Variants in SREK1 observed in about 807,000 individuals in gnomAD.
SREK1 encodes the protein splicing regulatory glutamic acid and lysine rich protein 1.
SREK1 carries 13 observed loss-of-function variants against 66.5 expected under a neutral mutation model. That is an observed-to-expected ratio of 0.20 (90% CI 0.13 to 0.31). The LOEUF (loss-of-function observed/expected upper bound fraction) is 0.31, where lower values mean the gene tolerates loss of function less well. SREK1 is among the 10% of genes least tolerant of loss of function. The pLI is 1.00. For missense variants in SREK1, 607 were observed against 769.6 expected (o/e 0.79, Z 2.50); for synonymous variants, 265 against 263.5 (o/e 1.01, Z -0.05).
At chr5:66,175,182 G>C (rs922325443) in intron 10 of SREK1, 141 bp downstream of exon 10, 13 of 709,262 alleles carry the variant, frequency 1.8e-5, no homozygotes, top group Non-Finnish European at 2.6e-5. Flanking sequence ...AAAGATAAAA[G>C]TTATGTATCA....
At chr5:66,173,185 C>G (rs761958254) in intron 9 of SREK1, among the ~76,000 whole-genome samples, 25 of 151,996 alleles carry the variant, frequency 1.6e-4, no homozygotes, top group Admixed American at 6.6e-5. Flanking sequence ...TTCAAATGTT[C>G]TGATTTGTTT....
Position 66,174,897 on chromosome 5 carries a change from C to T in SREK1, c.1485-49C>T, listed in dbSNP as rs750129218. ...TTTTGCTTTTGTATATTTGAATTGC[C>T]GTTTATTTCAATTGCTGTTTTTAAA... On this transcript the variant is annotated intron_variant, in intron 9 of 11. Coordinates refer to ENST00000334121, the MANE Select transcript of SREK1 (RefSeq NM_001077199.3). 3.5e-5 allele frequency: 54 copies of T among 1,550,148 alleles called. No individual in the cohort carries two copies. In the Middle Eastern group the frequency reaches 6.8e-4, roughly 19 times the overall value.
chr5:66,176,944 T>A (rs991444560), intron 10 of SREK1, among the ~76,000 whole-genome samples: 5 of 152,106 alleles, frequency 3.3e-5, no homozygotes, highest in Non-Finnish European at 5.9e-5. Flanking sequence ...TTTGTGAGAA[T>A]AACGGAAGGC....
At chr5:66,147,480 T>C (rs1050749491) in intron 1 of SREK1, among the ~76,000 whole-genome samples, 6 of 152,184 alleles carry the variant, frequency 3.9e-5, no homozygotes, top group African/African-American at 1.2e-4. Context: ...GTCAGGATTA[T>C]CTGCACCCTG....
At chr5:66,173,749 C>T (rs754726657) in intron 9 of SREK1, among the ~76,000 whole-genome samples, 11 of 152,168 alleles carry the variant, frequency 7.2e-5, no homozygotes, top group East Asian at 5.8e-4. Flanking sequence ...GTCTGGAATA[C>T]GCTGACATTC....
chr5:66,171,602 A>C (rs985876494), intron 9 of SREK1, among the ~76,000 whole-genome samples: 1 of 152,196 alleles, frequency 6.6e-6, no homozygotes, highest in Non-Finnish European at 1.5e-5. Flanking sequence ...CTGTAAATGG[A>C]AGTTCCTAAC....
rs1458734650 is a variant in SREK1 at position 66,144,847 on chromosome 5, G to C, written c.161+310G>C. On this transcript the variant is annotated intron_variant, in intron 1 of 11. Transcript: ENST00000334121. The stretch of plus-strand genomic sequence containing the variant: ...TGCCCCCACCCTCTTATTTCCCCCC[G>C]AACTTAAGATGGCCGCAGGTGGGCC... The C allele has an allele frequency of 1.3e-5, 14 of 1,069,902 alleles. No individual in the cohort carries two copies. The South Asian group carries it at 4.7e-4, about 36-fold the overall frequency. The allele number at this position is 1,069,902 out of a possible 1,614,324, so 66.3% of individuals were successfully genotyped here.
chr5:66,147,418 C>T (rs1465530621), intron 1 of SREK1, among the ~76,000 whole-genome samples: 4 of 152,132 alleles, frequency 2.6e-5, no homozygotes, highest in Non-Finnish European at 4.4e-5. Flanking sequence ...AGGTCGTAAG[C>T]GCAGGTTGAT....
chr5:66,163,626 G>A lies in SREK1; in HGVS notation c.756-166G>A. 3 of 581,392 alleles carry A rather than the reference G, an allele frequency of 5.2e-6. No individual in the cohort carries two copies. The South Asian group carries it at 9.5e-5, about 18-fold the overall frequency. The allele number at this position is 581,392 out of a possible 1,614,324, so 36.0% of individuals were successfully genotyped here. ...GCAAGGAATGATAGGAAGTGGGGAT[G>A]AGAGATTAATCATGGTTTTGAGGTT... On this transcript the variant is annotated intron_variant, in intron 5 of 11. Transcript: ENST00000334121.
chr5:66,158,938 C>A, intron 2 of SREK1: 2 of 1,312,550 alleles, frequency 1.5e-6, no homozygotes, highest in Non-Finnish European at 2.0e-6. Context: ...TACAGGTGAC[C>A]CATAGCTCAA....
At chr5:66,156,157 T>C (rs1744266790) in intron 2 of SREK1, 23 of 1,398,282 alleles carry the variant, frequency 1.6e-5, no homozygotes, top group African/African-American at 6.0e-5. Context: ...GAAACCTTCA[T>C]TGGGGAAATG....
Position 66,178,971 on chromosome 5 carries a change from A to T in SREK1, c.*103A>T. The T allele has an allele frequency of 7.8e-7, 1 of 1,289,818 alleles. No homozygotes were observed. Among genetic ancestry groups the T allele is most frequent in the Non-Finnish European group, 1.0e-6 (1 of 981,614 alleles). The allele number at this position is 1,289,818 out of a possible 1,614,324, so 79.9% of individuals were successfully genotyped here. ...GAAAGAAATCTAGTTGAGCATGAAG[A>T]TAGGATCTAACAGCTTTTCCAGTTG... On this transcript the variant is annotated 3_prime_UTR_variant, in exon 12 of 12. Coordinates refer to ENST00000334121, the MANE Select transcript of SREK1 (RefSeq NM_001077199.3).
chr5:66,156,596 C>A, intron 2 of SREK1: 3 of 985,416 alleles, frequency 3.0e-6, no homozygotes, highest in Non-Finnish European at 3.6e-6. Flanking sequence ...CCCCCCTAGT[C>A]TACATCTCTC....
At chr5:66,153,439 A>G (rs115754536) in intron 1 of SREK1, 24 bp from the exon 2 acceptor site, 12 of 1,600,850 alleles carry the variant, frequency 7.5e-6, no homozygotes, top group South Asian at 1.1e-5. Context: ...TATTAGTTCA[A>G]TTGTTTTTCT....
At chr5:66,156,522 A>G in intron 2 of SREK1, 1 of 988,648 alleles carries the variant, frequency 1.0e-6, no homozygotes, top group Non-Finnish European at 1.2e-6. Context: ...TTGAAACATT[A>G]AAACACTGAT....
Position 66,144,343 on chromosome 5 carries a change from TG to T in SREK1, c.-30del. The T allele has an allele frequency of 3.3e-6, 5 of 1,492,720 alleles. No individual in the cohort carries two copies. The highest frequency in any genetic ancestry group is 4.5e-6 in the Non-Finnish European group (5 of 1,101,882). 92.5% of individuals were successfully genotyped at this position (1,492,720 alleles called of 1,614,324 possible). On this transcript the variant is annotated 5_prime_UTR_variant, in exon 1 of 12. Transcript: ENST00000334121. ...TCCGTCGCTGACGCGTCGTAGACGT[TG>T]GGGAGCGGGAAGGCAACGGCAGCGG...
intron 2 of SREK1, 196 bp from the exon 3 acceptor site, chr5:66,159,023 T>G: frequency 7.1e-7 from 1 of 1,411,514 alleles, no homozygotes; most frequent in Non-Finnish European, 9.2e-7. Flanking sequence ...TATTTGAAGT[T>G]TTGCTCACTT....
rs771010237 is a variant in SREK1, at chr5:66,179,277, T to A, written c.*409T>A. The A allele has an allele frequency of 3.7e-4, 57 of 154,192 alleles. No individual in the cohort carries two copies. Among genetic ancestry groups the A allele is most frequent in the South Asian group, 1.6e-3 (8 of 4,912 alleles). 9.6% of individuals were successfully genotyped at this position (154,192 alleles called of 1,614,324 possible). A position where few individuals can be genotyped will look rare whatever the true frequency, so the allele number is the denominator to read the frequency against. ...TTTTGTATTGTTTTACTTTTTTTTT[T>A]ATTTCAATATATACAGTTTGATGAT... On this transcript the variant is annotated 3_prime_UTR_variant, in exon 12 of 12. Transcript: ENST00000334121.
chr5:66,158,954 T>TA, intron 2 of SREK1: 1 of 1,327,748 alleles, frequency 7.5e-7, no homozygotes, highest in African/African-American at 1.5e-5. Context: ...CTCAAAGTGT[T>TA]AAATAATTGT....
Sources: gnomAD v4.1 joint callset for allele counts (sites outside exome capture counted in the v4.1 genomes callset) on GRCh38, gnomAD v4.1.1 for gene constraint, MANE v1.5 for transcripts, NCBI Gene and HGNC (gene_info 2026-07-23, HGNC 2026-07-21) for gene names.